Variants in UNC5C observed in about 807,000 individuals in gnomAD.
The protein encoded by UNC5C is netrin receptor UNC5C.
UNC5C carries 47 observed loss-of-function variants against 99.8 expected under a neutral mutation model. The observed-to-expected ratio is 0.47, with a 90% CI of 0.37 to 0.60. The LOEUF is 0.60. UNC5C is among the 20% of genes least tolerant of loss of function. UNC5C has a pLI of 0.00. For missense variants in UNC5C, 1,062 were observed against 1,165.9 expected, an observed-to-expected ratio of 0.91 and a Z score of 1.30; for synonymous variants, 487 against 452.2, an observed-to-expected ratio of 1.08 and a Z score of -0.98.
In UNC5C at chr4:95,202,722, G is replaced by T. The variant is rs902388658; in HGVS notation, c.2136+9C>A. ...GGTGAAGAGGGCAGGCTAGGTGGGA[G>T]GCACTTACCTTCAGGGCATCCTGGG... On this transcript the variant is annotated intron_variant, in intron 12 of 15. Transcript: ENST00000453304. 1 of 1,612,920 alleles carries T rather than the reference G, an allele frequency of 6.2e-7. No homozygotes were observed. The highest frequency in any genetic ancestry group is 8.5e-7 in the Non-Finnish European group (1 of 1,179,404).
At chr4:95,286,626 A>G (rs1027743474) in intron 3 of UNC5C, among the ~76,000 whole-genome samples, 14 of 152,192 alleles carry the variant, frequency 9.2e-5, no homozygotes, top group Non-Finnish European at 1.6e-4. Context: ...TCCAGGGGCC[A>G]TTCAGGTAAC....
At chr4:95,194,845 TC>T (rs781168094) in intron 12 of UNC5C, among the ~76,000 whole-genome samples, 19 of 152,308 alleles carry the variant, frequency 1.2e-4, no homozygotes, top group Non-Finnish European at 2.1e-4. Flanking sequence ...TACCACAACT[TC>T]TGTTTTCTTT....
At chr4:95,280,787 A>C (rs959059028) in intron 3 of UNC5C, among the ~76,000 whole-genome samples, 3 of 152,206 alleles carry the variant, frequency 2.0e-5, no homozygotes, top group African/African-American at 7.2e-5. Context: ...TTACTTCCAA[A>C]AAACATGTTG....
chr4:95,238,043 A>ATAC (rs1739187936), intron 7 of UNC5C, among the ~76,000 whole-genome samples: 4 of 102,534 alleles, frequency 3.9e-5, no homozygotes, highest in Middle Eastern at 4.3e-3. Flanking sequence ...TCTCTAAATA[A>ATAC]ATACATACAT....
chr4:95,492,628 C>A (rs1721526499), intron 1 of UNC5C, among the ~76,000 whole-genome samples: 1 of 151,226 alleles, frequency 6.6e-6, no homozygotes, highest in Admixed American at 6.6e-5. Flanking sequence ...AATAATTCCA[C>A]ACAAAAATTC....
chr4:95,321,140 C>A (rs1250207098), intron 2 of UNC5C, among the ~76,000 whole-genome samples: 1 of 152,124 alleles, frequency 6.6e-6, no homozygotes, highest in Non-Finnish European at 1.5e-5. Context: ...CATTAAAAAT[C>A]TTCCCCATGG....
At chr4:95,188,019 G>A (rs1261526388) in intron 12 of UNC5C, among the ~76,000 whole-genome samples, 3 of 152,126 alleles carry the variant, frequency 2.0e-5, no homozygotes, top group Non-Finnish European at 4.4e-5. Flanking sequence ...TCTATTATCA[G>A]TATGTTAATA....
chr4:95,328,040 C>CTTTTTTTTTT (rs34794058), intron 2 of UNC5C, among the ~76,000 whole-genome samples: 1 of 87,090 alleles, frequency 1.1e-5, no homozygotes, highest in Non-Finnish European at 2.2e-5. Context: ...CAGGCAACTT[C>CTTTTTTTTTT]TTTTTTTTTT....
intron 1 of UNC5C, among the ~76,000 whole-genome samples, chr4:95,453,920 C>T (rs6836531): frequency 0.21 from 31,327 of 151,916 alleles, 3,385 homozygotes; most frequent in East Asian, 0.28. Flanking sequence ...GTAATTTGTA[C>T]ATATTTAAAA....
chr4:95,528,232 C>T (rs751489311), intron 1 of UNC5C, among the ~76,000 whole-genome samples: 102 of 152,066 alleles, frequency 6.7e-4, no homozygotes, highest in South Asian at 1.5e-3. Flanking sequence ...TCCTCTAGCC[C>T]CTTTGATTTG....
In UNC5C at chr4:95,348,387, T is replaced by C. The variant is rs142748079; in HGVS notation, c.125-12756A>G. Among the ~76,000 whole-genome samples the C allele has an allele frequency of 2.8e-3, 422 of 151,636 alleles. 1 individual carries two copies. The highest frequency in any genetic ancestry group is 9.8e-3 in the African/African-American group (404 of 41,400). On this transcript the variant is annotated intron_variant, in intron 1 of 15. Coordinates refer to ENST00000453304, the MANE Select transcript of UNC5C (RefSeq NM_003728.4). The stretch of plus-strand genomic sequence containing the variant: ...CAAAAAACTAAAAATAGAACTACCA[T>C]GCAATCAAGCAATCCCACTGCTAAG...
chr4:95,405,737 G>C (rs1389883247), intron 1 of UNC5C, among the ~76,000 whole-genome samples: 1 of 152,188 alleles, frequency 6.6e-6, no homozygotes, highest in Non-Finnish European at 1.5e-5. Context: ...CAGGTCTCCT[G>C]TTTTATTGCT....
intron 10 of UNC5C, among the ~76,000 whole-genome samples, chr4:95,208,683 A>T (rs1737966912): frequency 6.6e-6 from 1 of 152,198 alleles, no homozygotes; most frequent in Admixed American, 6.5e-5. Flanking sequence ...CCAGTCTGAT[A>T]TCAATACTTT....
intron 1 of UNC5C, among the ~76,000 whole-genome samples, chr4:95,387,145 T>G (rs1347540720): frequency 6.6e-6 from 1 of 152,154 alleles, no homozygotes; most frequent in African/African-American, 2.4e-5. Context: ...CTCTCTCTTT[T>G]TATTTTTTTT....
chr4:95,363,891 G>T (rs148601505), intron 1 of UNC5C, among the ~76,000 whole-genome samples: 2 of 152,136 alleles, frequency 1.3e-5, no homozygotes, highest in African/African-American at 2.4e-5. Flanking sequence ...CCTACCATAC[G>T]TAGATGCTGA....
intron 14 of UNC5C, among the ~76,000 whole-genome samples, chr4:95,179,565 G>A (rs1212983229): frequency 1.3e-5 from 2 of 152,004 alleles, no homozygotes; most frequent in Admixed American, 6.6e-5. Flanking sequence ...TAGCCAACGT[G>A]GTGAAACCCT....
chr4:95,408,966 T>C (rs866738184), intron 1 of UNC5C, among the ~76,000 whole-genome samples: 3 of 152,198 alleles, frequency 2.0e-5, no homozygotes, highest in South Asian at 2.1e-4. Flanking sequence ...AGATAGCCAA[T>C]GCTAGCAGAG....
At chr4:95,276,373 C>T (rs1458294731) in intron 4 of UNC5C, among the ~76,000 whole-genome samples, 1 of 152,072 alleles carries the variant, frequency 6.6e-6, no homozygotes, top group Non-Finnish European at 1.5e-5. Flanking sequence ...TTGGTCTCTT[C>T]CCTAGTGATG....
chr4:95,216,200 G>A lies in UNC5C; in HGVS notation c.1657C>T (p.Leu553=), dbSNP rs1340879560. ...LIVPNSGVSL[L]IPAGAIPQGR... is the part of the protein sequence containing the mutation. ...TGGGGAATGGCCCCAGCGGGAATCA[G>A]CAAGCTGACTCCTGAATAGCAAAAG... Residue 553 remains leucine (L), a synonymous_variant, in exon 10 of 16, where the codon CTG becomes TTG. Transcript: ENST00000453304. The A allele has an allele frequency of 1.2e-6, 2 of 1,612,898 alleles. No homozygotes were observed. The highest frequency in any genetic ancestry group is 4.5e-5 in the East Asian group (2 of 44,858).
Sources: gnomAD v4.1 joint callset for allele counts (sites outside exome capture counted in the v4.1 genomes callset) on GRCh38, gnomAD v4.1.1 for gene constraint, MANE v1.5 for transcripts, NCBI Gene and HGNC (gene_info 2026-07-23, HGNC 2026-07-21) for gene names.